LSM12: variants seen among roughly 807,000 people sequenced by gnomAD.
LSM12 encodes the protein LSM12 homolog.
For synonymous variants in LSM12, 74 were observed against 87.3 expected (o/e 0.85, Z 0.85); for missense variants, 108 against 238.9 (o/e 0.45, Z 3.61).
rs1411734836 is a variant in LSM12 at position 44,042,587 on chromosome 17, C to T, written c.259-2331G>A. Among the ~76,000 whole-genome samples, 15 of 12,660 alleles carry T rather than the reference C, an allele frequency of 1.2e-3. No individual in the cohort carries two copies. The East Asian group carries it at 0.05, about 42-fold the overall frequency. 8.3% of individuals were successfully genotyped at this position (12,660 alleles called of 152,430 possible). A position where few individuals can be genotyped will look rare whatever the true frequency, so the allele number is the denominator to read the frequency against. ...GCTAATTTTTTTTTTTTTTTTGAGACGGAGTCTCGCTCTGTCGCCCAGGCT... is the reference window on the plus strand; with the variant it reads ...GCTAATTTTTTTTTTTTTTTTGAGATGGAGTCTCGCTCTGTCGCCCAGGCT... On this transcript the variant is annotated intron_variant, in intron 2 of 4. Coordinates refer to ENST00000293406, the MANE Select transcript of LSM12 (RefSeq NM_001371445.1).
chr17:44,037,336 C>G, intron 4 of LSM12, 76 bp downstream of exon 4: 1 of 1,487,160 alleles, frequency 6.7e-7, no homozygotes, highest in Non-Finnish European at 8.9e-7. Context: ...AGCACAATGT[C>G]CTGGTCTGGT....
intron 2 of LSM12, among the ~76,000 whole-genome samples, chr17:44,058,240 A>G (rs2049746284): frequency 6.6e-6 from 1 of 151,462 alleles, no homozygotes; most frequent in African/African-American, 2.4e-5. Context: ...CCGTCTCAAA[A>G]AAAAAATAAT....
chr17:44,065,179 A>G (rs1380776902), intron 1 of LSM12, among the ~76,000 whole-genome samples: 3 of 152,072 alleles, frequency 2.0e-5, no homozygotes, highest in Non-Finnish European at 2.9e-5. Flanking sequence ...TCAGGCCTGT[A>G]ATCCCAGCAC....
At chr17:44,064,847 A>G (rs969542071) in intron 1 of LSM12, among the ~76,000 whole-genome samples, 2 of 151,782 alleles carry the variant, frequency 1.3e-5, no homozygotes, top group African/African-American at 2.4e-5. Context: ...AAAAGCAACT[A>G]TTCTTAGGCC....
intron 2 of LSM12, among the ~76,000 whole-genome samples, chr17:44,046,747 CTTTT>C (rs1161246881): frequency 3.6e-5 from 4 of 112,498 alleles, no homozygotes; most frequent in Non-Finnish European, 7.2e-5. Flanking sequence ...AAACTGTTTT[CTTTT>C]TTTTTTTCTT....
At chr17:44,063,994 A>G (rs1442603136) in intron 1 of LSM12, 60 bp from the exon 2 acceptor site, 2 of 1,575,882 alleles carry the variant, frequency 1.3e-6, no homozygotes, top group Non-Finnish European at 1.7e-6. Flanking sequence ...GACACATCCC[A>G]AAAGGGGCAT....
At chr17:44,041,809 A>G (rs2049498696) in intron 2 of LSM12, among the ~76,000 whole-genome samples, 1 of 152,240 alleles carries the variant, frequency 6.6e-6, no homozygotes, top group African/African-American at 2.4e-5. Flanking sequence ...AAGACAAAAC[A>G]AATGTGCTAG....
At chr17:44,058,474 G>A (rs2144106994) in intron 2 of LSM12, among the ~76,000 whole-genome samples, 1 of 152,168 alleles carries the variant, frequency 6.6e-6, no homozygotes, top group East Asian at 1.9e-4. Context: ...AGCCGAGGAA[G>A]GAGGATTGCT....
At chr17:44,056,979 G>A (rs2144103903) in intron 2 of LSM12, among the ~76,000 whole-genome samples, 1 of 151,328 alleles carries the variant, frequency 6.6e-6, no homozygotes, top group East Asian at 2.0e-4. Context: ...CAGCAAGAGT[G>A]AAACTCTGTC....
intron 2 of LSM12, among the ~76,000 whole-genome samples, chr17:44,052,844 AAAT>A (rs1379264652): frequency 6.6e-6 from 1 of 151,200 alleles, no homozygotes; most frequent in African/African-American, 2.4e-5. Context: ...CATAATTAAT[AAAT>A]AAATAAATCA....
rs115552801 is a variant in LSM12, at chr17:44,064,815, G to T, written c.125-881C>A. Among the ~76,000 whole-genome samples the T allele has an allele frequency of 9.0e-3, 1,370 of 152,042 alleles. 19 individuals are homozygous for T. Among genetic ancestry groups the T allele is most frequent in the African/African-American group, 0.031 (1,287 of 41,450 alleles). ...ATGTAAAAGGTCTTATTTCTTCCAG[G>T]TGTAACCTCTTATTTTTTTAAAAAA... On this transcript the variant is annotated intron_variant, in intron 1 of 4. Transcript: ENST00000293406.
Position 44,034,597 on chromosome 17 carries a change from CT to C in LSM12, c.*1610del, listed in dbSNP as rs1401214595. The C allele has an allele frequency of 6.6e-6, 1 of 152,530 alleles. No homozygotes were observed. The highest frequency in any genetic ancestry group is 6.5e-5 in the Admixed American group (1 of 15,274). 9.4% of individuals were successfully genotyped at this position (152,530 alleles called of 1,614,324 possible). A position where few individuals can be genotyped will look rare whatever the true frequency, so the allele number is the denominator to read the frequency against. ...ACAGACATACCTTGGATCCTCTCCC[CT>C]GGGGCCTCTGAAGGACGCACAAACC... On this transcript the variant is annotated 3_prime_UTR_variant, in exon 5 of 5. Transcript: ENST00000293406.
intron 2 of LSM12, 31 bp downstream of exon 2, chr17:44,063,770 T>G: frequency 1.9e-6 from 3 of 1,595,010 alleles, no homozygotes; most frequent in East Asian, 4.5e-5. Flanking sequence ...CCCACCATTT[T>G]AGAGAGCCAG....
chr17:44,054,216 G>C (rs1166312284), intron 2 of LSM12, among the ~76,000 whole-genome samples: 1 of 152,200 alleles, frequency 6.6e-6, no homozygotes, highest in Non-Finnish European at 1.5e-5. Context: ...ACTGAGTCAT[G>C]AGTTCTAGCC....
intron 1 of LSM12, among the ~76,000 whole-genome samples, chr17:44,065,876 C>A (rs945615013): frequency 2.6e-5 from 4 of 151,984 alleles, no homozygotes; most frequent in Non-Finnish European, 4.4e-5. Context: ...CCCCACCACA[C>A]ATACACACGC....
intron 1 of LSM12, among the ~76,000 whole-genome samples, chr17:44,065,065 G>C (rs1020587523): frequency 6.6e-6 from 1 of 151,634 alleles, no homozygotes; most frequent in South Asian, 2.1e-4. Flanking sequence ...TCCGGGAGAC[G>C]GAAGTTGCAG....
rs1432262323 is a variant in LSM12, at chr17:44,034,448, A to T, written c.*1760T>A. On this transcript the variant is annotated 3_prime_UTR_variant, in exon 5 of 5. Transcript: ENST00000293406. ...TTTCCCCACACTCCACCTACACACC[A>T]CTCCAAACCCTGGACCCCCATCTTA... Among the ~76,000 whole-genome samples, 1 of 151,686 alleles carries T rather than the reference A, an allele frequency of 6.6e-6. No individual in the cohort carries two copies. Among genetic ancestry groups the T allele is most frequent in the East Asian group, 1.9e-4 (1 of 5,180 alleles).
intron 2 of LSM12, among the ~76,000 whole-genome samples, chr17:44,054,630 T>C (rs2049687568): frequency 6.6e-6 from 1 of 151,760 alleles, no homozygotes; most frequent in Non-Finnish European, 1.5e-5. Flanking sequence ...AAAATGGCAA[T>C]AAATTATTCC....
chr17:44,063,136 T>A (rs1296679076), intron 2 of LSM12, among the ~76,000 whole-genome samples: 1 of 152,024 alleles, frequency 6.6e-6, no homozygotes, highest in Non-Finnish European at 1.5e-5. Context: ...GACGCATGCA[T>A]GTAATCCCAG....
Sources: gnomAD v4.1 joint callset for allele counts (sites outside exome capture counted in the v4.1 genomes callset) on GRCh38, gnomAD v4.1.1 for gene constraint, MANE v1.5 for transcripts, NCBI Gene and HGNC (gene_info 2026-07-23, HGNC 2026-07-21) for gene names.